Variants in PRELID2 observed in about 807,000 individuals in gnomAD.
PRELID2 encodes the protein PRELI domain containing 2.
Under a neutral mutation model 28.4 loss-of-function variants are expected in PRELID2, and 25 were observed. The observed-to-expected ratio is 0.88, with a 90% CI of 0.64 to 1.23. PRELID2 has a LOEUF of 1.23. PRELID2 is among the 50% of genes most tolerant of loss of function. The pLI is 0.00. For synonymous variants in PRELID2, 76 were observed against 71.6 expected, an observed-to-expected ratio of 1.06 and a Z score of -0.31; for missense variants, 201 against 214.4, an observed-to-expected ratio of 0.94 and a Z score of 0.39.
At chr5:145,388,404 T>A in the PRELID2 span, among the ~76,000 whole-genome samples, 1 of 152,180 alleles carries the variant, frequency 6.6e-6, no homozygotes, top group Non-Finnish European at 1.5e-5. Context: ...TATCTAGGCA[T>A]TTGATAATGA....
At chr5:145,335,849 C>T in the PRELID2 span, among the ~76,000 whole-genome samples, 1 of 152,238 alleles carries the variant, frequency 6.6e-6, no homozygotes, top group African/African-American at 2.4e-5. Context: ...AATCCCCACA[C>T]TGACTTCCAC....
intron 5 of PRELID2, chr5:145,795,858 C>T (rs554592315): frequency 1.3e-5 from 2 of 152,166 alleles, no homozygotes; most frequent in East Asian, 3.9e-4. Context: ...AATGGAAAAG[C>T]TCTACTTAAA....
At chr5:145,701,839 G>A (rs997467172) in intron 1 of PRELID2, among the ~76,000 whole-genome samples, 4 of 152,164 alleles carry the variant, frequency 2.6e-5, no homozygotes, top group Middle Eastern at 3.4e-3. Flanking sequence ...ATCACCTGAG[G>A]TCAGGAGTTC....
the PRELID2 span, among the ~76,000 whole-genome samples, chr5:145,397,020 G>A: frequency 6.6e-6 from 1 of 152,012 alleles, no homozygotes; most frequent in Non-Finnish European, 1.5e-5. Flanking sequence ...TATACTAAGG[G>A]CACTGGGGAG....
intron 1 of PRELID2, among the ~76,000 whole-genome samples, chr5:145,495,224 C>T (rs917518349): frequency 2.6e-5 from 4 of 152,198 alleles, no homozygotes; most frequent in Non-Finnish European, 5.9e-5. Context: ...CTCTCAGCAT[C>T]ACCATTATCA....
At chr5:145,353,303 C>CA in the PRELID2 span, among the ~76,000 whole-genome samples, 30 of 151,512 alleles carry the variant, frequency 2.0e-4, no homozygotes, top group African/African-American at 3.1e-4. Flanking sequence ...AACACACACA[C>CA]ACACAAAAAA....
intron 5 of PRELID2, among the ~76,000 whole-genome samples, chr5:145,784,786 G>GT (rs5871943): frequency 6.9e-6 from 1 of 143,958 alleles, no homozygotes; most frequent in Non-Finnish European, 1.5e-5. Flanking sequence ...TCCCAACTTT[G>GT]TTTTTTTTTT....
At chr5:145,752,581 C>A (rs1461526826), downstream of PRELID2, among the ~76,000 whole-genome samples, 1 of 152,188 alleles carries the variant, frequency 6.6e-6, no homozygotes, top group Non-Finnish European at 1.5e-5. Context: ...TCTTCCAATT[C>A]TCCAAAATGT....
the PRELID2 span, among the ~76,000 whole-genome samples, chr5:145,448,805 G>A: frequency 6.6e-6 from 1 of 152,102 alleles, no homozygotes. Flanking sequence ...TAGATAAAGT[G>A]TGTCAAGGGT....
At chr5:145,664,266 T>C (rs1398177935) in intron 1 of PRELID2, among the ~76,000 whole-genome samples, 3 of 152,182 alleles carry the variant, frequency 2.0e-5, no homozygotes, top group African/African-American at 7.2e-5. Context: ...CTCAATTGTT[T>C]CTCTGCTTTA....
exon 3 of PRELID2, chr5:145,471,832 A>G (rs1319627811): frequency 6.6e-6 from 1 of 152,176 alleles, no homozygotes; most frequent in Non-Finnish European, 1.5e-5. Flanking sequence ...AAAAAGAGAA[A>G]TCACTGGAGA....
chr5:145,541,144 T>C (rs1246588335), intron 1 of PRELID2, among the ~76,000 whole-genome samples: 3 of 152,016 alleles, frequency 2.0e-5, no homozygotes, highest in Non-Finnish European at 4.4e-5. Flanking sequence ...ATAATGAAAG[T>C]TTTTTATGCA....
the PRELID2 span, among the ~76,000 whole-genome samples, chr5:145,278,975 C>T: frequency 6.6e-6 from 1 of 152,158 alleles, no homozygotes; most frequent in Non-Finnish European, 1.5e-5. Context: ...CGAACAAAAA[C>T]ACTGCAGCAG....
intron 1 of PRELID2, among the ~76,000 whole-genome samples, chr5:145,573,152 C>T (rs949701311): frequency 3.3e-5 from 5 of 152,076 alleles, no homozygotes; most frequent in Non-Finnish European, 7.4e-5. Context: ...TCTCCTGACC[C>T]TTTTCCCCCT....
the PRELID2 span, among the ~76,000 whole-genome samples, chr5:145,264,689 C>T: frequency 2.0e-5 from 3 of 151,864 alleles, no homozygotes; most frequent in South Asian, 2.1e-4. Context: ...AATTGGTAAA[C>T]AGAGCCAGGC....
At chr5:145,781,502 T>C (rs1751588946) in intron 5 of PRELID2, among the ~76,000 whole-genome samples, 1 of 151,660 alleles carries the variant, frequency 6.6e-6, no homozygotes, top group African/African-American at 2.4e-5. Context: ...TTACAACAGA[T>C]GTGTTCCTAA....
At chr5:145,690,776 G>T (rs1052944534) in intron 1 of PRELID2, among the ~76,000 whole-genome samples, 1 of 152,008 alleles carries the variant, frequency 6.6e-6, no homozygotes, top group Admixed American at 6.5e-5. Context: ...TCTTGCACTT[G>T]TCTCTCTGCT....
chr5:145,800,394 G>A (rs1753057185), intron 4 of PRELID2, among the ~76,000 whole-genome samples: 1 of 151,222 alleles, frequency 6.6e-6, no homozygotes, highest in Non-Finnish European at 1.5e-5. Flanking sequence ...TCACCCCTTA[G>A]ATTTAAGCCT....
rs1753457912 is a variant in PRELID2, at chr5:145,604,048, T to G, written n.71-130733A>C. Among the ~76,000 whole-genome samples, 2 of 151,998 alleles carry G rather than the reference T, an allele frequency of 1.3e-5. 1 individual carries two copies. Among genetic ancestry groups the G allele is most frequent in the South Asian group, 4.1e-4 (2 of 4,822 alleles). The stretch of plus-strand genomic sequence containing the variant: ...GTAATGACACTATATATAAATATCT[T>G]TTTTTTAGTAATTAGGTCAGATTTT... On this transcript the variant is annotated intron_variant and non_coding_transcript_variant, in intron 1 of 2. Coordinates refer to the PRELID2 transcript ENST00000510259.
Sources: gnomAD v4.1 joint callset for allele counts (sites outside exome capture counted in the v4.1 genomes callset) on GRCh38, gnomAD v4.1.1 for gene constraint, MANE v1.5 for transcripts, NCBI Gene and HGNC (gene_info 2026-07-23, HGNC 2026-07-21) for gene names.